The following COX7B2 variants were observed in gnomAD, a reference collection of about 807,000 sequenced individuals.
The protein encoded by COX7B2 is cytochrome c oxidase subunit 7B2, also known as cytochrome c oxidase subunit 7B2, mitochondrial.
For synonymous variants in COX7B2, 37 were observed against 32.1 expected (o/e 1.15, Z -0.51); for missense variants, 109 against 95.9 (o/e 1.14, Z -0.57).
intron 2 of COX7B2, among the ~76,000 whole-genome samples, chr4:46,797,404 T>G (rs1718421102): frequency 6.6e-6 from 1 of 152,184 alleles, no homozygotes; most frequent in Non-Finnish European, 1.5e-5. Flanking sequence ...TCTGTCCCAC[T>G]GTGGGCTCAG....
chr4:46,759,188 G>T (rs548314730), intron 2 of COX7B2, among the ~76,000 whole-genome samples: 4 of 152,118 alleles, frequency 2.6e-5, no homozygotes, highest in African/African-American at 7.2e-5. Flanking sequence ...GGAAAATGAG[G>T]AGCTCATGGA....
At chr4:46,776,805 C>T (rs536387029) in intron 2 of COX7B2, among the ~76,000 whole-genome samples, 6 of 152,258 alleles carry the variant, frequency 3.9e-5, no homozygotes, top group African/African-American at 1.4e-4. Context: ...TTACAACTTA[C>T]AAAAGCAACA....
chr4:46,776,290 T>A (rs1206055074), intron 2 of COX7B2, among the ~76,000 whole-genome samples: 2 of 152,106 alleles, frequency 1.3e-5, no homozygotes, highest in Non-Finnish European at 2.9e-5. Flanking sequence ...AAAATATAAC[T>A]TTTTGAACTT....
rs576150783 is a variant in COX7B2 at position 46,882,889 on chromosome 4, T to C, written c.-105+26271A>G. ...TACGTGAATTTAAGCCACAAATCAT[T>C]ATCACTATATATCTACACTATTCCA... On this transcript the variant is annotated intron_variant, in intron 1 of 2. Transcript: ENST00000355591. Among the ~76,000 whole-genome samples, 269 of 152,270 alleles carry C rather than the reference T, an allele frequency of 1.8e-3. 1 individual carries two copies. The highest frequency in any genetic ancestry group is 3.5e-3 in the Non-Finnish European group (235 of 68,010).
At chr4:46,764,947 C>G (rs1458197676) in intron 2 of COX7B2, among the ~76,000 whole-genome samples, 1 of 151,682 alleles carries the variant, frequency 6.6e-6, no homozygotes, top group African/African-American at 2.4e-5. Flanking sequence ...AACAAAATGA[C>G]AACAGGACAA....
intron 2 of COX7B2, among the ~76,000 whole-genome samples, chr4:46,755,785 A>T (rs1411497418): frequency 6.6e-6 from 1 of 152,088 alleles, no homozygotes; most frequent in African/African-American, 2.4e-5. Flanking sequence ...AAGGAGAACT[A>T]CAAAACATTG....
chr4:46,812,356 A>T (rs1344113082), intron 2 of COX7B2, among the ~76,000 whole-genome samples: 2 of 116,894 alleles, frequency 1.7e-5, no homozygotes, highest in Non-Finnish European at 3.5e-5. Flanking sequence ...ACCAGCATGG[A>T]TCTGAATAAA....
At chr4:46,743,888 G>C (rs1202258856) in intron 2 of COX7B2, among the ~76,000 whole-genome samples, 2 of 152,116 alleles carry the variant, frequency 1.3e-5, no homozygotes, top group Admixed American at 6.5e-5. Flanking sequence ...AGGCTTAATG[G>C]ATCCAGGAGG....
At position 46,839,011 on chromosome 4, in the gene COX7B2, CATT is replaced by C. The variant is rs1384482884; in HGVS notation, c.-50+5946_-50+5948del. On this transcript the variant is annotated intron_variant, in intron 2 of 2. Coordinates refer to ENST00000355591, the MANE Select transcript of COX7B2 (RefSeq NM_130902.3). ...TTAGCGCCTTTTCAAAACATCAACT[CATT>C]ATAATTTTTATGTTTTATTTTAGGA... Among the ~76,000 whole-genome samples the C allele has an allele frequency of 4.6e-5, 7 of 151,868 alleles. No homozygotes were observed. The South Asian group carries it at 1.2e-3, about 27-fold the overall frequency.
At chr4:46,809,494 A>AT (rs1719178549) in intron 2 of COX7B2, among the ~76,000 whole-genome samples, 1 of 151,650 alleles carries the variant, frequency 6.6e-6, no homozygotes, top group Non-Finnish European at 1.5e-5. Context: ...GTCTCAAGAT[A>AT]TTTTTTTAAA....
At chr4:46,765,087 A>G (rs995090752) in intron 2 of COX7B2, among the ~76,000 whole-genome samples, 22 of 152,124 alleles carry the variant, frequency 1.4e-4, no homozygotes, top group Middle Eastern at 3.4e-3. Flanking sequence ...TGTCAACAAG[A>G]TGGCAGAATG....
At chr4:46,788,460 TA>T (rs1283773135) in intron 2 of COX7B2, among the ~76,000 whole-genome samples, 1 of 152,120 alleles carries the variant, frequency 6.6e-6, no homozygotes, top group African/African-American at 2.4e-5. Context: ...ATTTCTCAGT[TA>T]AAAAAATCTA....
chr4:46,900,346 G>A (rs1203210275), intron 1 of COX7B2, among the ~76,000 whole-genome samples: 1 of 152,124 alleles, frequency 6.6e-6, no homozygotes, highest in Non-Finnish European at 1.5e-5. Context: ...GGATACCCTT[G>A]CAGAAAGAGA....
intron 1 of COX7B2, among the ~76,000 whole-genome samples, chr4:46,870,898 A>T (rs1272711903): frequency 6.6e-6 from 1 of 152,170 alleles, no homozygotes; most frequent in East Asian, 1.9e-4. Context: ...TATCATTAAA[A>T]TGACCATACT....
At chr4:46,870,100 T>G (rs1717891752) in intron 1 of COX7B2, among the ~76,000 whole-genome samples, 1 of 152,176 alleles carries the variant, frequency 6.6e-6, no homozygotes, top group African/African-American at 2.4e-5. Flanking sequence ...TGTCTCACTG[T>G]TTTACTTCAG....
intron 2 of COX7B2, among the ~76,000 whole-genome samples, chr4:46,756,930 A>G (rs1715835333): frequency 6.6e-6 from 1 of 152,076 alleles, no homozygotes; most frequent in Admixed American, 6.6e-5. Flanking sequence ...CAATCCAACT[A>G]CTGGGTATAT....
chr4:46,885,360 A>G (rs970692717), intron 1 of COX7B2, among the ~76,000 whole-genome samples: 2 of 152,174 alleles, frequency 1.3e-5, no homozygotes, highest in Non-Finnish European at 2.9e-5. Flanking sequence ...ATAGAAATAT[A>G]AAAAATTTTG....
At chr4:46,800,948 AG>A (rs1210654985) in intron 2 of COX7B2, among the ~76,000 whole-genome samples, 1 of 152,126 alleles carries the variant, frequency 6.6e-6, no homozygotes, top group Non-Finnish European at 1.5e-5. Flanking sequence ...AAATGGGCAA[AG>A]GCATGAAGAG....
chr4:46,845,602 G>A (rs1296529804), intron 1 of COX7B2, among the ~76,000 whole-genome samples: 1 of 151,852 alleles, frequency 6.6e-6, no homozygotes, highest in Non-Finnish European at 1.5e-5. Flanking sequence ...GTGCATAACA[G>A]AAAGTCCCAC....
Sources: gnomAD v4.1 joint callset for allele counts (sites outside exome capture counted in the v4.1 genomes callset) on GRCh38, gnomAD v4.1.1 for gene constraint, MANE v1.5 for transcripts, NCBI Gene and HGNC (gene_info 2026-07-23, HGNC 2026-07-21) for gene names.